PRSS57: variants seen among roughly 807,000 people sequenced by gnomAD.
The protein encoded by PRSS57 is serine protease 57, also known as neutrophil serine protease 4.
A neutral mutation model predicts 20.6 loss-of-function variants in PRSS57; 19 were observed. The observed-to-expected ratio is 0.92, with a 90% CI of 0.64 to 1.35. PRSS57 has a LOEUF of 1.35. Ranked by LOEUF, PRSS57 falls within the 40% of genes most tolerant of loss-of-function variation. PRSS57 has a pLI of 0.00. For missense variants in PRSS57, 440 were observed against 403.7 expected, an observed-to-expected ratio of 1.09 and a Z score of -0.77; for synonymous variants, 203 against 176.6, an observed-to-expected ratio of 1.15 and a Z score of -1.19.
intron 3 of PRSS57, among the ~76,000 whole-genome samples, chr19:689,487 C>T (rs67158626): frequency 0.23 from 35,314 of 151,824 alleles, 4,399 homozygotes; most frequent in East Asian, 0.33. Context: ...GGGAGGTCTG[C>T]TGGCCTCGAG....
chr19:689,516 T>C (rs1250573941), intron 3 of PRSS57, among the ~76,000 whole-genome samples: 1 of 151,690 alleles, frequency 6.6e-6, no homozygotes, highest in Non-Finnish European at 1.5e-5. Context: ...GTGACAGGCA[T>C]GGATTAGCAG....
intron 3 of PRSS57, among the ~76,000 whole-genome samples, chr19:691,484 G>A (rs1240419215): frequency 6.9e-6 from 1 of 143,994 alleles, no homozygotes; most frequent in Non-Finnish European, 1.5e-5. Flanking sequence ...CAGCCCCCGT[G>A]ACAGTTCGAG....
At chr19:693,425 G>T (rs72978236) in intron 2 of PRSS57, among the ~76,000 whole-genome samples, 3,685 of 152,052 alleles carry the variant, frequency 0.024, 67 homozygotes, top group South Asian at 0.055. Context: ...GGTGAGATGG[G>T]GGTGACGGCT....
At chr19:687,303 A>G in intron 3 of PRSS57, 115 bp from the exon 4 acceptor site, 1 of 1,247,800 alleles carries the variant, frequency 8.0e-7, no homozygotes, top group Non-Finnish European at 1.1e-6. Context: ...AATGGCGGCC[A>G]CCATGAGGCC....
rs1401248842 is a variant in PRSS57, at chr19:685,905, G to A, written c.660C>T (p.Pro220=). ...RGFCSADSGG[P]LVCRNRAHGL... ...CGTGAGCCCGGTTCCTGCACACCAG[G>A]GGCCCTCCGGAGTCGGCCTGGAGTG... The change falls in exon 5 of 5, where the codon CCC becomes CCT. Residue 220 remains proline (P), a synonymous_variant. Transcript: ENST00000329267. 1.1e-5 allele frequency: 17 copies of A among 1,545,930 alleles called. No homozygotes were observed. Among genetic ancestry groups the A allele is most frequent in the African/African-American group, 2.7e-5 (2 of 73,028 alleles).
intron 3 of PRSS57, among the ~76,000 whole-genome samples, chr19:687,755 G>A (rs899000870): frequency 3.9e-5 from 6 of 151,946 alleles, no homozygotes; most frequent in South Asian, 2.1e-4. Flanking sequence ...GCCCTCCCAC[G>A]GCTCCCGATT....
chr19:687,266 C>A, intron 3 of PRSS57, 78 bp from the exon 4 acceptor site: 1 of 1,413,454 alleles, frequency 7.1e-7, no homozygotes, highest in South Asian at 1.5e-5. Context: ...CATGGGACCC[C>A]TGGTCCTGCC....
At chr19:690,573 A>G (rs900872338) in intron 3 of PRSS57, 5 of 257,146 alleles carry the variant, frequency 1.9e-5, no homozygotes, top group Non-Finnish European at 4.0e-5. Flanking sequence ...CTGCCCATCA[A>G]GGAATCTGAG....
At position 694,924 on chromosome 19, in the gene PRSS57, G is replaced by T; in HGVS notation, c.123C>A (p.Pro41=). The change falls in exon 2 of 5, where the codon CCC becomes CCA. Residue 41 remains proline, a synonymous_variant. Transcript: ENST00000329267. ...CGGATGCCATGTAGGGCCTGGAGTG[G>T]GGGGTCACCTCGTGGCCCCCGATGA... ...AQIIGGHEVT[P]HSRPYMASVR... 6.3e-7 allele frequency: 1 copy of T among 1,589,492 alleles called. No individual in the cohort carries two copies.
At position 687,509 on chromosome 19, in the gene PRSS57, G is replaced by A. The variant is rs1044492692; in HGVS notation, c.379-321C>T. On this transcript the variant is annotated intron_variant, in intron 3 of 4. Transcript: ENST00000329267. The stretch of plus-strand genomic sequence containing the variant: ...CAACCTCCACCTGCCAGGTTCAACC[G>A]ATTTCTCCTGCCTCAGCCTCCCAAG... Among the ~76,000 whole-genome samples, 5 of 152,122 alleles carry A rather than the reference G, an allele frequency of 3.3e-5. No individual in the cohort carries two copies. In the South Asian group the frequency reaches 6.2e-4, roughly 19 times the overall value.
intron 3 of PRSS57, among the ~76,000 whole-genome samples, chr19:691,423 T>C (rs1315865362): frequency 2.0e-5 from 3 of 150,690 alleles, no homozygotes; most frequent in Non-Finnish European, 2.9e-5. Context: ...GAGAATCACT[T>C]GAGCCTGGGA....
chr19:690,939 G>T, intron 3 of PRSS57: 1 of 476,308 alleles, frequency 2.1e-6, no homozygotes, highest in East Asian at 5.4e-5. Context: ...CTGTGCTCAA[G>T]AAGCTGCTCA....
intron 2 of PRSS57, among the ~76,000 whole-genome samples, chr19:693,089 G>A (rs950521979): frequency 3.3e-5 from 5 of 151,478 alleles, no homozygotes; most frequent in African/African-American, 9.7e-5. Flanking sequence ...CACCATATCC[G>A]GCTAATTTTT....
At chr19:692,426 T>C (rs1260654345) in intron 2 of PRSS57, among the ~76,000 whole-genome samples, 5 of 118,514 alleles carry the variant, frequency 4.2e-5, no homozygotes, top group African/African-American at 5.9e-5. Flanking sequence ...TTTCCTTTTT[T>C]CTTTTTTTTT....
At chr19:689,162 CAGGGGTT>C (rs1467401145) in intron 3 of PRSS57, among the ~76,000 whole-genome samples, 2 of 119,960 alleles carry the variant, frequency 1.7e-5, no homozygotes, top group African/African-American at 6.7e-5. Context: ...AAGGGTGGTC[CAGGGGTT>C]AGCAGGTGAC....
At chr19:688,869 G>A (rs965894635) in intron 3 of PRSS57, among the ~76,000 whole-genome samples, 1 of 152,136 alleles carries the variant, frequency 6.6e-6, no homozygotes, top group Non-Finnish European at 1.5e-5. Context: ...AAAGTGCTGG[G>A]GTTACAGGTG....
At position 691,914 on chromosome 19, in the gene PRSS57, T is replaced by G; in HGVS notation, c.322A>C (p.Thr108Pro). The G allele has an allele frequency of 7.5e-7, 1 of 1,338,142 alleles. No individual in the cohort carries two copies. Among genetic ancestry groups the G allele is most frequent in the East Asian group, 2.8e-5 (1 of 35,844 alleles). The allele number at this position is 1,338,142 out of a possible 1,614,324, so 82.9% of individuals were successfully genotyped here. A position where few individuals can be genotyped will look rare whatever the true frequency, so the allele number is the denominator to read the frequency against. Residue 108 changes from threonine (T) to proline (P), a missense_variant, in exon 3 of 5, where the codon ACC becomes CCC. Physicochemically the swap from Thr to Pro is conservative, Grantham distance 38. Coordinates refer to ENST00000329267, the MANE Select transcript of PRSS57 (RefSeq NM_001308209.2). ...TQQVFGIDAL[T>P]THPDYHPMTH... ...ATGGGGTGGTAGTCGGGGTGTGTGGTGAGAGCATCGATGCCAAACACCTGC... is the reference window on the plus strand; with the variant it reads ...ATGGGGTGGTAGTCGGGGTGTGTGGGGAGAGCATCGATGCCAAACACCTGC...
chr19:686,270 T>C (rs2031472081), intron 4 of PRSS57, among the ~76,000 whole-genome samples: 1 of 152,022 alleles, frequency 6.6e-6, no homozygotes, highest in African/African-American at 2.4e-5. Flanking sequence ...CTGCCTTGCG[T>C]GTGTTTCCTC....
intron 2 of PRSS57, 83 bp downstream of exon 2, chr19:694,731 C>A: frequency 6.9e-7 from 1 of 1,445,930 alleles, no homozygotes; most frequent in Non-Finnish European, 9.2e-7. Context: ...AGCCACGGCG[C>A]CCCCAGCTCC....
Sources: gnomAD v4.1 joint callset for allele counts (sites outside exome capture counted in the v4.1 genomes callset) on GRCh38, gnomAD v4.1.1 for gene constraint, MANE v1.5 for transcripts, NCBI Gene and HGNC (gene_info 2026-07-23, HGNC 2026-07-21) for gene names.